Variants in THUMPD2 observed in about 807,000 individuals in gnomAD.
THUMPD2 encodes U6 snRNA (guanine-N(2))-methyltransferase THUMPD2.
In THUMPD2, 56 loss-of-function variants were observed where a neutral mutation model predicts 49.4. That is an observed-to-expected ratio of 1.13 (90% confidence interval 0.91 to 1.41). The LOEUF (loss-of-function observed/expected upper bound fraction) is 1.41, where lower values mean the gene tolerates loss of function less well. Ranked by LOEUF, THUMPD2 falls within the 40% of genes most tolerant of loss-of-function variation. THUMPD2 has a pLI of 0.00. For synonymous variants in THUMPD2, 237 were observed against 205.2 expected (o/e 1.15, Z -1.32); for missense variants, 709 against 594.5 (o/e 1.19, Z -2.00).
chr2:39,753,359 C>T (rs1286334891), intron 8 of THUMPD2, among the ~76,000 whole-genome samples: 1 of 152,202 alleles, frequency 6.6e-6, no homozygotes, highest in Non-Finnish European at 1.5e-5. Context: ...TACTCTCTTA[C>T]ATCACCAGCT....
In THUMPD2 at chr2:39,738,161, C is replaced by T. The variant is rs1454206067; in HGVS notation, c.1188-1102G>A. On this transcript the variant is annotated intron_variant, in intron 9 of 9. Coordinates refer to ENST00000505747, the MANE Select transcript of THUMPD2 (RefSeq NM_025264.5). ...CAGAGATTTCACATTTAAAAAGTGACGGAGGAGAAGACCCATGAAGTAGAC... is the reference window on the plus strand; with the variant it reads ...CAGAGATTTCACATTTAAAAAGTGATGGAGGAGAAGACCCATGAAGTAGAC... Among the ~76,000 whole-genome samples the T allele has an allele frequency of 2.6e-5, 4 of 152,014 alleles. No individual in the cohort carries two copies. In the South Asian group the frequency reaches 8.3e-4, roughly 31 times the overall value.
chr2:39,769,988 GGTT>G lies in THUMPD2; in HGVS notation c.391_393del (p.Asn131del), dbSNP rs759249245. 1.3e-5 allele frequency: 20 copies of G among 1,573,532 alleles called. No individual in the cohort carries two copies. The South Asian group carries it at 2.1e-4, about 16-fold the overall frequency. ...TTTTCTCCCACTTTTCTTTTTAGTTGGTTATCATCTCTCTGAGAAAGTTTTTCC... is the reference window on the plus strand; with the variant it reads ...TTTTCTCCCACTTTTCTTTTTAGTTGATCATCTCTCTGAGAAAGTTTTTCC... On this transcript the variant is annotated inframe_deletion, in exon 3 of 10. Transcript: ENST00000505747.
At chr2:39,757,282 G>A in intron 6 of THUMPD2, 2 of 796,070 alleles carry the variant, frequency 2.5e-6, no homozygotes. Flanking sequence ...CGAGATAGGG[G>A]AGAAAAGACA....
intron 1 of THUMPD2, 50 bp from the exon 2 acceptor site, chr2:39,771,690 C>T (rs762922104): frequency 3.9e-6 from 6 of 1,545,918 alleles, no homozygotes; most frequent in Non-Finnish European, 4.4e-6. Flanking sequence ...AGTGAAAAAA[C>T]CATATTTTTT....
At chr2:39,744,230 C>A in intron 9 of THUMPD2, 140 bp downstream of exon 9, 1 of 505,546 alleles carries the variant, frequency 2.0e-6, no homozygotes, top group Non-Finnish European at 3.5e-6. Flanking sequence ...AAACTTCTGA[C>A]TTAAAACCTT....
chr2:39,773,560 TATATATATATTTATATTTTAAAA>T (rs1163128879), intron 1 of THUMPD2, among the ~76,000 whole-genome samples: 1,090 of 39,128 alleles, frequency 0.028, 16 homozygotes, highest in African/African-American at 0.16. Flanking sequence ...TATTTAAAAA[TATATATATATTTATATTTTAAAA>T]ATATATATAT....
At chr2:39,740,680 C>CA (rs1375960620) in intron 9 of THUMPD2, among the ~76,000 whole-genome samples, 2 of 151,584 alleles carry the variant, frequency 1.3e-5, no homozygotes, top group Admixed American at 6.6e-5. Flanking sequence ...GATCATACCT[C>CA]AAGCTACTGG....
chr2:39,737,742 T>C (rs1673302760), intron 9 of THUMPD2, among the ~76,000 whole-genome samples: 1 of 152,122 alleles, frequency 6.6e-6, no homozygotes, highest in African/African-American at 2.4e-5. Context: ...CAGAGGAAGA[T>C]ACCTGTGCTA....
Position 39,755,380 on chromosome 2 carries a change from G to A in THUMPD2, c.993C>T (p.Ser331=), listed in dbSNP as rs192961029. ...CCCAAGTACCTAGTAACTGTGAGTCGCTGACATCAGCACCTACATAATACA... is the reference window on the plus strand; with the variant it reads ...CCCAAGTACCTAGTAACTGTGAGTCACTGACATCAGCACCTACATAATACA... ...PDVYYVGADV[S]DSQLLGTWDN... is the part of the protein sequence containing the mutation. Residue 331 remains serine, a synonymous_variant, in exon 8 of 10, where the codon AGC becomes AGT. Coordinates refer to ENST00000505747, the MANE Select transcript of THUMPD2 (RefSeq NM_025264.5). 199 of 1,559,054 alleles carry A rather than the reference G, an allele frequency of 1.3e-4. 2 individuals carry two copies. In the East Asian group the frequency reaches 4.5e-3, roughly 35 times the overall value.
chr2:39,777,798 C>T (rs28406334), intron 1 of THUMPD2, among the ~76,000 whole-genome samples: 8,162 of 152,244 alleles, frequency 0.054, 747 homozygotes, highest in African/African-American at 0.18. Flanking sequence ...GAATTTTCTT[C>T]CTGGTAATAA....
intron 5 of THUMPD2, among the ~76,000 whole-genome samples, chr2:39,762,704 T>C (rs539999181): frequency 1.3e-5 from 2 of 151,076 alleles, no homozygotes; most frequent in Admixed American, 6.7e-5. Flanking sequence ...ATAAAACAGT[T>C]TGCACTCTAG....
chr2:39,745,309 G>A (rs1361467689), intron 8 of THUMPD2, among the ~76,000 whole-genome samples: 1 of 152,128 alleles, frequency 6.6e-6, no homozygotes, highest in Non-Finnish European at 1.5e-5. Flanking sequence ...AACAAAAAGT[G>A]CTTTGTAATC....
chr2:39,774,475 A>G (rs1443341577), intron 1 of THUMPD2, among the ~76,000 whole-genome samples: 1 of 152,204 alleles, frequency 6.6e-6, no homozygotes, highest in East Asian at 1.9e-4. Flanking sequence ...TTGAAGTCAC[A>G]GTTTCCAGGA....
rs150967683 is a variant in THUMPD2 at position 39,752,521 on chromosome 2, C to T, written c.1078+2774G>A. On this transcript the variant is annotated intron_variant, in intron 8 of 9. Transcript: ENST00000505747. ...GAAGAAAATAAACGCTTTTATCTAGCCTGAATGTTTACCTCTGAAGTAGGT... is the reference window on the plus strand; with the variant it reads ...GAAGAAAATAAACGCTTTTATCTAGTCTGAATGTTTACCTCTGAAGTAGGT... 2.0e-4 allele frequency among the ~76,000 whole-genome samples: 31 copies of T among 152,242 alleles called. No homozygotes were observed. The East Asian group carries it at 2.9e-3, about 14-fold the overall frequency.
intron 1 of THUMPD2, among the ~76,000 whole-genome samples, chr2:39,772,126 G>C (rs1678412115): frequency 6.6e-6 from 1 of 152,216 alleles, no homozygotes; most frequent in Non-Finnish European, 1.5e-5. Flanking sequence ...ATTACAAAGA[G>C]TCTTGGGAAA....
At chr2:39,766,202 CTA>C in intron 4 of THUMPD2, 93 bp from the exon 5 acceptor site, 1 of 918,350 alleles carries the variant, frequency 1.1e-6, no homozygotes, top group Non-Finnish European at 1.6e-6. Context: ...CTTACATGAT[CTA>C]TGTTTTAAAA....
intron 6 of THUMPD2, among the ~76,000 whole-genome samples, chr2:39,760,592 A>G (rs1312808183): frequency 6.6e-6 from 1 of 152,188 alleles, no homozygotes; most frequent in Non-Finnish European, 1.5e-5. Flanking sequence ...TGAAAGAGAG[A>G]CCATCAGAGT....
At chr2:39,764,338 T>C (rs539010721) in intron 5 of THUMPD2, among the ~76,000 whole-genome samples, 1 of 152,338 alleles carries the variant, frequency 6.6e-6, no homozygotes, top group East Asian at 1.9e-4. Flanking sequence ...CCTGATTTTA[T>C]AGCAGAGAAA....
intron 1 of THUMPD2, among the ~76,000 whole-genome samples, chr2:39,777,229 C>G (rs1036358989): frequency 6.6e-6 from 1 of 152,172 alleles, no homozygotes; most frequent in Non-Finnish European, 1.5e-5. Flanking sequence ...TATTTTACAT[C>G]CAAGAAAATT....
Sources: allele counts gnomAD v4.1 joint callset (sites outside exome capture counted in the v4.1 genomes callset), GRCh38; gene constraint gnomAD v4.1.1; transcripts MANE v1.5; gene names NCBI Gene and HGNC (gene_info 2026-07-23, HGNC 2026-07-21).